The following SAMTOR variants were observed in gnomAD, a reference collection of about 807,000 sequenced individuals.
SAMTOR encodes S-adenosylmethionine sensor upstream of mTORC1.
At chr7:112,834,995 A>T in the SAMTOR span, among the ~76,000 whole-genome samples, 1 of 152,146 alleles carries the variant, frequency 6.6e-6, no homozygotes, top group Non-Finnish European at 1.5e-5. Flanking sequence ...ATTTTGTTAT[A>T]ATTGTTCTAT....
the SAMTOR span, among the ~76,000 whole-genome samples, chr7:112,875,552 TA>T: frequency 1.3e-5 from 2 of 152,168 alleles, no homozygotes; most frequent in African/African-American, 4.8e-5. Context: ...TACAGAATAA[TA>T]TGTGCTATAG....
the SAMTOR span, among the ~76,000 whole-genome samples, chr7:112,852,698 C>T: frequency 1.9e-4 from 29 of 152,046 alleles, no homozygotes; most frequent in South Asian, 6.2e-4. Flanking sequence ...CAACTTGCAG[C>T]GGTAAATTAT....
chr7:112,849,382 C>T, the SAMTOR span, among the ~76,000 whole-genome samples: 1 of 152,160 alleles, frequency 6.6e-6, no homozygotes, highest in Non-Finnish European at 1.5e-5. Flanking sequence ...TCTTTACCTA[C>T]ACTTTACTAG....
chr7:112,915,268 A>G, the SAMTOR span: 2 of 1,559,896 alleles, frequency 1.3e-6, no homozygotes, highest in Non-Finnish European at 1.7e-6. Flanking sequence ...ACAACAATAC[A>G]TTTGAAACCA....
At chr7:112,855,224 G>A in the SAMTOR span, among the ~76,000 whole-genome samples, 4 of 152,082 alleles carry the variant, frequency 2.6e-5, no homozygotes, top group Admixed American at 6.6e-5. Flanking sequence ...CATCTTAATC[G>A]TTTTCCATGC....
At chr7:112,903,716 A>C in the SAMTOR span, among the ~76,000 whole-genome samples, 1 of 152,216 alleles carries the variant, frequency 6.6e-6, no homozygotes, top group Admixed American at 6.5e-5. Flanking sequence ...ATACAAAAGT[A>C]AGACTAAGTA....
the SAMTOR span, among the ~76,000 whole-genome samples, chr7:112,845,649 G>C: frequency 6.6e-6 from 1 of 152,162 alleles, no homozygotes; most frequent in Non-Finnish European, 1.5e-5. Context: ...GTGTAAATTA[G>C]TTCAACCGTT....
the SAMTOR span, among the ~76,000 whole-genome samples, chr7:112,855,021 T>C: frequency 3.3e-5 from 5 of 152,190 alleles, no homozygotes; most frequent in Non-Finnish European, 5.9e-5. Flanking sequence ...CAGCGGCCAC[T>C]GCAGCAGCAA....
chr7:112,853,475 T>G, the SAMTOR span, among the ~76,000 whole-genome samples: 2 of 152,086 alleles, frequency 1.3e-5, no homozygotes, highest in African/African-American at 4.8e-5. Flanking sequence ...AATATAGGAT[T>G]TTTATTTCCT....
chr7:112,860,678 G>C, the SAMTOR span, among the ~76,000 whole-genome samples: 11 of 152,012 alleles, frequency 7.2e-5, no homozygotes, highest in Admixed American at 6.6e-4. Context: ...CGAGGCGGGT[G>C]GATCACGAGG....
At chr7:112,827,882 CTTT>C in the SAMTOR span, among the ~76,000 whole-genome samples, 2 of 151,956 alleles carry the variant, frequency 1.3e-5, no homozygotes, top group Non-Finnish European at 2.9e-5. Flanking sequence ...GCGTGGCTAA[CTTT>C]TTTATTTTTT....
At chr7:112,939,723 T>A in the SAMTOR span, 3 of 1,605,712 alleles carry the variant, frequency 1.9e-6, no homozygotes, top group Non-Finnish European at 2.5e-6. Flanking sequence ...GCACGAGCAG[T>A]ATTTCGGCCG....
At chr7:112,914,931 C>T in the SAMTOR span, among the ~76,000 whole-genome samples, 19 of 152,098 alleles carry the variant, frequency 1.2e-4, no homozygotes, top group Non-Finnish European at 2.5e-4. Context: ...ATGAATTATA[C>T]ACAGCATCAC....
the SAMTOR span, among the ~76,000 whole-genome samples, chr7:112,928,950 C>T: frequency 6.6e-6 from 1 of 151,764 alleles, no homozygotes; most frequent in Non-Finnish European, 1.5e-5. Context: ...GTAACACCAC[C>T]AAATAGATAA....
At chr7:112,915,718 C>G in the SAMTOR span, among the ~76,000 whole-genome samples, 1 of 151,998 alleles carries the variant, frequency 6.6e-6, no homozygotes, top group Non-Finnish European at 1.5e-5. Context: ...TGAATGATAA[C>G]AGATTTGTGA....
chr7:112,922,147 G>C, the SAMTOR span, among the ~76,000 whole-genome samples: 2 of 152,170 alleles, frequency 1.3e-5, no homozygotes, highest in Admixed American at 1.3e-4. Context: ...TGGTGGAGAC[G>C]GGGTTTCGCT....
the SAMTOR span, among the ~76,000 whole-genome samples, chr7:112,847,330 T>C: frequency 6.6e-6 from 1 of 152,224 alleles, no homozygotes; most frequent in East Asian, 1.9e-4. Context: ...AATTGAACTA[T>C]TCTTTCTTAC....
At chr7:112,936,774 CA>C in the SAMTOR span, among the ~76,000 whole-genome samples, 2 of 152,062 alleles carry the variant, frequency 1.3e-5, no homozygotes, top group Non-Finnish European at 2.9e-5. Flanking sequence ...CATCTCTCCC[CA>C]AAAAACCCTC....
At chr7:112,855,938 C>A in the SAMTOR span, among the ~76,000 whole-genome samples, 1 of 152,008 alleles carries the variant, frequency 6.6e-6, no homozygotes, top group Non-Finnish European at 1.5e-5. Context: ...TTTCTATTAG[C>A]CACTAATAGT....
Sources: gnomAD v4.1 joint callset for allele counts (sites outside exome capture counted in the v4.1 genomes callset) on GRCh38, gnomAD v4.1.1 for gene constraint, MANE v1.5 for transcripts, NCBI Gene and HGNC (gene_info 2026-07-23, HGNC 2026-07-21) for gene names.